CLU: variants seen among roughly 807,000 people sequenced by gnomAD.
CLU encodes the protein aging-associated protein 4.
A neutral mutation model predicts 46.4 loss-of-function variants in CLU; 25 were observed. The ratio of observed to expected loss-of-function variants is 0.54; its 90% CI spans 0.39 to 0.75. The LOEUF (loss-of-function observed/expected upper bound fraction) is 0.75. CLU is among the 30% of genes least tolerant of loss of function. The probability of loss-of-function intolerance (pLI) is 0.00; values close to 1 mark genes in which losing one functional copy is unlikely to be tolerated. For synonymous variants in CLU, 235 were observed against 235.1 expected (o/e 1.00, Z 0.00); for missense variants, 504 against 592.1 (o/e 0.85, Z 1.54).
chr8:27,597,981 G>A lies in CLU; in HGVS notation c.*260C>T. 1 of 669,478 alleles carries A rather than the reference G, an allele frequency of 1.5e-6. No individual in the cohort carries two copies. The highest frequency in any genetic ancestry group is 2.7e-6 in the Non-Finnish European group (1 of 366,376). 41.5% of individuals were successfully genotyped at this position (669,478 alleles called of 1,614,324 possible). A position where few individuals can be genotyped will look rare whatever the true frequency, so the allele number is the denominator to read the frequency against. On this transcript the variant is annotated 3_prime_UTR_variant, in exon 9 of 9. Coordinates refer to ENST00000316403, the MANE Select transcript of CLU (RefSeq NM_001831.4). ...GAAGCAGCAACTCAACATAAAAAGA[G>A]GACCCTCCAAGCGATCAGCTCACAA...
chr8:27,604,621 C>T (rs900176229), intron 5 of CLU, among the ~76,000 whole-genome samples: 3 of 152,098 alleles, frequency 2.0e-5, no homozygotes, highest in African/African-American at 7.2e-5. Context: ...TACAGGTGTG[C>T]ACCACCACAC....
chr8:27,608,258 T>G (rs1800857454), intron 3 of CLU, among the ~76,000 whole-genome samples: 1 of 152,136 alleles, frequency 6.6e-6, no homozygotes, highest in Non-Finnish European at 1.5e-5. Flanking sequence ...GTTACACAGG[T>G]TTCTTTACGG....
chr8:27,606,309 C>T (rs1013491097), intron 4 of CLU, 45 bp downstream of exon 4: 17 of 1,606,886 alleles, frequency 1.1e-5, no homozygotes, highest in Non-Finnish European at 1.4e-5. Flanking sequence ...AGGCTCCCCT[C>T]CTTCCCCACT....
intron 1 of CLU, chr8:27,614,389 A>G: frequency 3.9e-6 from 1 of 256,072 alleles, no homozygotes; most frequent in South Asian, 3.7e-5. Flanking sequence ...AAGGATGATC[A>G]TTATATCTGT....
Position 27,608,945 on chromosome 8 carries a change from T to A in CLU, c.239A>T (p.Lys80Met). ...LLSNLEEAKK[K>M]KEDALNETRE... ...GTAGCGGCTCCTCCTGACCTCTTTC[T>A]TCTTCTTGGCTTCTTCTAGGTTGCT... Residue 80 changes from lysine (K) to methionine (M), a missense_variant, in exon 3 of 9, where the codon AAG (lysine) becomes ATG (methionine). Around this residue, in one of 3 missense-constraint regions of CLU, gnomAD observed 3 missense variants for 16.9 expected, o/e 0.18. Transcript: ENST00000316403. 2 of 1,614,232 alleles carry A rather than the reference T, an allele frequency of 1.2e-6. No individual in the cohort carries two copies. Among genetic ancestry groups the A allele is most frequent in the South Asian group, 2.2e-5 (2 of 91,088 alleles).
rs1800774591 is a variant in CLU, at chr8:27,604,315, T to C, written c.910A>G (p.Lys304Glu). The C allele has an allele frequency of 6.2e-7, 1 of 1,613,934 alleles. No individual in the cohort carries two copies. Among genetic ancestry groups the C allele is most frequent in the East Asian group, 2.2e-5 (1 of 44,888 alleles). ...GCLRMKDQCD[K>E]CREILSVDCS... The stretch of plus-strand genomic sequence containing the variant: ...CCCACAGACAAGATCTCCCGGCACT[T>C]GTCACACTGGTCCTTCATCCGCAGG... Residue 304 changes from lysine (K) to glutamate (E), a missense_variant, in exon 6 of 9, where the codon AAG (lysine) becomes GAG (glutamate). Physicochemically the swap from Lys to Glu is moderately conservative, Grantham distance 56. This residue lies in a region of CLU where 428 missense variants were observed against 484.0 expected (regional missense o/e 0.88). Transcript: ENST00000316403.
chr8:27,611,530 A>G, intron 1 of CLU: 1 of 457,576 alleles, frequency 2.2e-6, no homozygotes, highest in Admixed American at 2.3e-5. Context: ...GCTGTTGCAT[A>G]AAACAGAAAC....
At chr8:27,604,820 G>C in intron 5 of CLU, 104 bp downstream of exon 5, 1 of 1,303,946 alleles carries the variant, frequency 7.7e-7, no homozygotes, top group Non-Finnish European at 1.1e-6. Context: ...TCACCCTTGT[G>C]ATATTGCTGG....
At position 27,606,542 on chromosome 8, in the gene CLU, G is replaced by T. The variant is rs770687996; in HGVS notation, c.247-18C>A. ...AGGGCATCCTACAGGAAGACACAAG[G>T]CTGGCTGAGCCACACAGAGACCACA... On this transcript the variant is annotated intron_variant, in intron 3 of 8. Transcript: ENST00000316403. The T allele has an allele frequency of 1.2e-6, 2 of 1,613,944 alleles. No individual in the cohort carries two copies. The highest frequency in any genetic ancestry group is 1.7e-6 in the Non-Finnish European group (2 of 1,180,020).
At chr8:27,604,738 C>A (rs1302477910) in intron 5 of CLU, among the ~76,000 whole-genome samples, 186 bp downstream of exon 5, 1 of 152,228 alleles carries the variant, frequency 6.6e-6, no homozygotes, top group African/African-American at 2.4e-5. Flanking sequence ...CTTGGCCTCT[C>A]AAAGTGCTGG....
rs758265414 is a variant in CLU at position 27,598,450 on chromosome 8, G to T, written c.1340+10C>A. On this transcript the variant is annotated intron_variant, in intron 8 of 8. Transcript: ENST00000316403. ...CCCTGCAGGCCCGCAGGAAAGGCCC[G>T]CCTGCTTACCGGTGCTTTTTGCGGT... The T allele has an allele frequency of 1.2e-6, 2 of 1,613,776 alleles. No individual in the cohort carries two copies. The highest frequency in any genetic ancestry group is 1.3e-5 in the African/African-American group (1 of 74,980).
In CLU at chr8:27,597,440, A is replaced by G. The variant is rs9331945; in HGVS notation, c.*801T>C. 4,750 of 454,494 alleles carry G rather than the reference A, an allele frequency of 0.01. 36 individuals carry two copies. Among genetic ancestry groups the G allele is most frequent in the Non-Finnish European group, 0.016 (3,634 of 226,788 alleles). The allele number at this position is 454,494 out of a possible 1,614,324, so 28.2% of individuals were successfully genotyped here. On this transcript the variant is annotated 3_prime_UTR_variant, in exon 9 of 9. Coordinates refer to ENST00000316403, the MANE Select transcript of CLU (RefSeq NM_001831.4). ...CATATAAACCGGCGGTGGACAGGAA[A>G]TGCCACAGTCAAGAAGATGCCCCTG... is the stretch of plus-strand genomic sequence containing the variant.
In CLU at chr8:27,599,898, T is replaced by TG; in HGVS notation, c.1045dup (p.Gln349ProfsTer19). ...GGAGGAGGTGTTGAGCATCTTCCACTGGTAGGACTTTAGCAGCTCGTTGTA... is the reference window on the plus strand; with the variant it reads ...GGAGGAGGTGTTGAGCATCTTCCACTGGGTAGGACTTTAGCAGCTCGTTGTA... On this transcript the variant is annotated frameshift_variant, in exon 7 of 9. Transcript: ENST00000316403. LOFTEE classifies it high-confidence loss of function. The surrounding 1 kb of genome is among the most constrained non-coding windows in gnomAD (Gnocchi z 4.0). The TG allele has an allele frequency of 6.2e-7, 1 of 1,614,184 alleles. No individual in the cohort carries two copies. Among genetic ancestry groups the TG allele is most frequent in the Non-Finnish European group, 8.5e-7 (1 of 1,180,000 alleles).
rs537419317 is a variant in CLU, at chr8:27,597,586, C to T, written c.*655G>A. The T allele has an allele frequency of 4.8e-5, 22 of 454,096 alleles. No homozygotes were observed. The highest frequency in any genetic ancestry group is 6.9e-4 in the Middle Eastern group (1 of 1,444). The allele number at this position is 454,096 out of a possible 1,614,324, so 28.1% of individuals were successfully genotyped here. ...TTCTGGGCACCAAATGTTTTCATAA[C>T]GAAAACATCAATTATGCATTATAAT... On this transcript the variant is annotated 3_prime_UTR_variant, in exon 9 of 9. Coordinates refer to ENST00000316403, the MANE Select transcript of CLU (RefSeq NM_001831.4).
At chr8:27,606,327 T>G in intron 4 of CLU, 27 bp downstream of exon 4, 1 of 1,613,178 alleles carries the variant, frequency 6.2e-7, no homozygotes, top group Non-Finnish European at 8.5e-7. Flanking sequence ...ACTCAGAGCC[T>G]TGGCCACTCA....
At position 27,609,101 on chromosome 8, in the gene CLU, C is replaced by T; in HGVS notation, c.98-15G>A. 1 of 1,613,448 alleles carries T rather than the reference C, an allele frequency of 6.2e-7. No individual in the cohort carries two copies. The highest frequency in any genetic ancestry group is 1.3e-5 in the African/African-American group (1 of 75,062). ...ATTGGACATTTCTGCAAGAGAAGTG[C>T]AAGAGGCAGAATGAGGCGAGAGGAA... On this transcript the variant is annotated splice_polypyrimidine_tract_variant and intron_variant, in intron 2 of 8. Coordinates refer to ENST00000316403, the MANE Select transcript of CLU (RefSeq NM_001831.4).
chr8:27,603,950 C>T (rs1344382580), intron 6 of CLU, among the ~76,000 whole-genome samples: 1 of 152,180 alleles, frequency 6.6e-6, no homozygotes, highest in African/African-American at 2.4e-5. Context: ...ATGCCTACTG[C>T]GCTTGGCGCT....
At chr8:27,613,312 G>A (rs1800961722) in intron 1 of CLU, among the ~76,000 whole-genome samples, 1 of 151,838 alleles carries the variant, frequency 6.6e-6, no homozygotes, top group African/African-American at 2.4e-5. Flanking sequence ...CTTGAACCCG[G>A]ATGGCGGAGG....
In CLU at chr8:27,597,376, G is replaced by A. The variant is rs918876145; in HGVS notation, c.*865C>T. 3.1e-5 allele frequency: 14 copies of A among 454,402 alleles called. No individual in the cohort carries two copies. In the East Asian group the frequency reaches 9.0e-4, roughly 29 times the overall value. The allele number at this position is 454,402 out of a possible 1,614,324, so 28.1% of individuals were successfully genotyped here. ...AGCCCAGCTATGGTTCAGACTAAAA[G>A]CCGAGAAACGCCTGTGGTCCAGGGA... On this transcript the variant is annotated 3_prime_UTR_variant, in exon 9 of 9. Coordinates refer to ENST00000316403, the MANE Select transcript of CLU (RefSeq NM_001831.4).
Sources: gnomAD v4.1 joint callset for allele counts (sites outside exome capture counted in the v4.1 genomes callset) on GRCh38, gnomAD v4.1.1 for gene constraint, gnomAD v4.1.1 regional missense constraint, Gnocchi (gnomAD v3.1) non-coding constraint, MANE v1.5 for transcripts, NCBI Gene and HGNC (gene_info 2026-07-23, HGNC 2026-07-21) for gene names.